The following OMA1 variants were observed in gnomAD, a reference collection of about 807,000 sequenced individuals.
OMA1 encodes the protein metalloendopeptidase OMA1, mitochondrial.
Under a neutral mutation model 30.9 loss-of-function variants are expected in OMA1, and 38 were observed. That is an observed-to-expected ratio of 1.23 (90% CI 0.95 to 1.61). The LOEUF (loss-of-function observed/expected upper bound fraction) is 1.61, where lower values mean the gene tolerates loss of function less well. OMA1 is among the 40% of genes most tolerant of loss of function. The pLI is 0.00. For synonymous variants in OMA1, 173 were observed against 121.9 expected, an observed-to-expected ratio of 1.42 and a Z score of -2.76; for missense variants, 461 against 349.2, an observed-to-expected ratio of 1.32 and a Z score of -2.55.
At chr1:58,533,255 G>T (rs80107109) in intron 5 of OMA1, among the ~76,000 whole-genome samples, 4,083 of 152,246 alleles carry the variant, frequency 0.027, 182 homozygotes, top group African/African-American at 0.092. Context: ...TAAAAACCAG[G>T]TAACTGTAGT....
chr1:58,515,844 G>C (rs147076174), intron 7 of OMA1, among the ~76,000 whole-genome samples: 42 of 152,324 alleles, frequency 2.8e-4, no homozygotes, highest in African/African-American at 1.0e-3. Flanking sequence ...TGTAAAATGA[G>C]AAGGTAGATT....
At chr1:58,526,032 T>G (rs1646344425) in intron 7 of OMA1, among the ~76,000 whole-genome samples, 1 of 152,070 alleles carries the variant, frequency 6.6e-6, no homozygotes, top group Non-Finnish European at 1.5e-5. Context: ...CTTCCTCATA[T>G]TATATATTTT....
intron 7 of OMA1, among the ~76,000 whole-genome samples, chr1:58,513,268 C>T (rs937184752): frequency 2.0e-5 from 3 of 152,164 alleles, no homozygotes; most frequent in Non-Finnish European, 4.4e-5. Context: ...GACATACCTG[C>T]TTCCCCTTCC....
chr1:58,506,359 C>A, intron 7 of OMA1, 150 bp from the exon 8 acceptor site: 1 of 539,634 alleles, frequency 1.9e-6, no homozygotes, highest in East Asian at 3.0e-5. Flanking sequence ...CATACGTATA[C>A]ATGTGCCATG....
At chr1:58,491,856 T>C (rs965984064) in intron 8 of OMA1, among the ~76,000 whole-genome samples, 2 of 152,110 alleles carry the variant, frequency 1.3e-5, no homozygotes, top group Non-Finnish European at 2.9e-5. Context: ...GACAGATCAA[T>C]GAGACAAAAA....
intron 8 of OMA1, among the ~76,000 whole-genome samples, chr1:58,495,184 C>T (rs1011635458): frequency 6.6e-6 from 1 of 152,114 alleles, no homozygotes; most frequent in Non-Finnish European, 1.5e-5. Flanking sequence ...AAACTAAACA[C>T]TGCAGGTTCT....
chr1:58,539,246 A>G lies in OMA1; in HGVS notation c.49T>C (p.Phe17Leu), dbSNP rs760700917. The G allele has an allele frequency of 1.3e-5, 11 of 870,240 alleles. No homozygotes were observed. The highest frequency in any genetic ancestry group is 2.0e-5 in the Non-Finnish European group (10 of 501,110). The allele number at this position is 870,240 out of a possible 1,614,324, so 53.9% of individuals were successfully genotyped here. A position where few individuals can be genotyped will look rare whatever the true frequency, so the allele number is the denominator to read the frequency against. Residue 17 changes from phenylalanine (F) to leucine (L), a missense_variant, in exon 2 of 9, where the codon TTC (phenylalanine) becomes CTC (leucine). By Grantham distance (22) the Phe-to-Leu change is conservative. Coordinates refer to ENST00000371226, the MANE Select transcript of OMA1 (RefSeq NM_145243.5). ...LQSAARNHVF[F>L]RFNSLSNWRK... The stretch of plus-strand genomic sequence containing the variant: ...CAGTTAGACAGTGAATTAAATCGGA[A>G]GAAAACATGGTTTCTAGCAGCAGAC...
intron 7 of OMA1, among the ~76,000 whole-genome samples, chr1:58,519,804 G>A (rs951862792): frequency 6.6e-6 from 1 of 152,000 alleles, no homozygotes; most frequent in African/African-American, 2.4e-5. Context: ...ATGACAAAAT[G>A]GAGAATTTCA....
intron 1 of OMA1, among the ~76,000 whole-genome samples, chr1:58,545,579 A>G (rs1646689398): frequency 6.6e-6 from 1 of 152,214 alleles, no homozygotes; most frequent in Middle Eastern, 3.2e-3. Context: ...TAGCTGGCAG[A>G]CTTCTAGGAT....
At chr1:58,537,818 A>T (rs1395894242) in intron 2 of OMA1, among the ~76,000 whole-genome samples, 1 of 152,250 alleles carries the variant, frequency 6.6e-6, no homozygotes, top group Non-Finnish European at 1.5e-5. Flanking sequence ...ACATGACATT[A>T]TCCTTTATTT....
chr1:58,486,362 A>G (rs1347130163), intron 8 of OMA1, among the ~76,000 whole-genome samples: 1 of 152,174 alleles, frequency 6.6e-6, no homozygotes, highest in Admixed American at 6.6e-5. Flanking sequence ...TCCTAAGACC[A>G]CTGTTATCTT....
In OMA1 at chr1:58,536,632, A is replaced by G. The variant is rs1221996374; in HGVS notation, c.610T>C (p.Leu204=). The part of the protein sequence containing the change: ...KLFLGLSSFG[L]LFVVFYFTHL... ...GTAAAATAAAACACCACAAAGAGCA[A>G]TCCAAAACTACTCAAACCAAGGAAT... The change falls in exon 3 of 9, where the codon TTG becomes CTG. Residue 204 remains leucine, a synonymous_variant. Coordinates refer to ENST00000371226, the MANE Select transcript of OMA1 (RefSeq NM_145243.5). The G allele has an allele frequency of 6.9e-6, 6 of 872,842 alleles. No homozygotes were observed. The highest frequency in any genetic ancestry group is 1.7e-5 in the Admixed American group (1 of 59,186). The allele number at this position is 872,842 out of a possible 1,614,324, so 54.1% of individuals were successfully genotyped here. A position where few individuals can be genotyped will look rare whatever the true frequency, so the allele number is the denominator to read the frequency against.
At chr1:58,491,482 G>A (rs1227173408) in intron 8 of OMA1, among the ~76,000 whole-genome samples, 2 of 152,094 alleles carry the variant, frequency 1.3e-5, no homozygotes, top group African/African-American at 4.8e-5. Context: ...ATTGGATAAA[G>A]AGTCAAGACC....
intron 7 of OMA1, among the ~76,000 whole-genome samples, chr1:58,525,458 T>G (rs895433172): frequency 6.6e-6 from 1 of 152,116 alleles, no homozygotes; most frequent in African/African-American, 2.4e-5. Context: ...GCAATTTACT[T>G]TAAAAATGAC....
At chr1:58,536,803 A>C (rs183117317) in intron 2 of OMA1, 62 bp from the exon 3 acceptor site, 67 of 794,448 alleles carry the variant, frequency 8.4e-5, no homozygotes, top group Middle Eastern at 2.3e-4. Flanking sequence ...ACTAAAGCTC[A>C]AATGCATACA....
chr1:58,538,512 C>A (rs1306870985), intron 2 of OMA1, among the ~76,000 whole-genome samples: 1 of 151,948 alleles, frequency 6.6e-6, no homozygotes, highest in Non-Finnish European at 1.5e-5. Context: ...AATGCCTATA[C>A]AAAATGTAAG....
At chr1:58,540,058 G>A (rs1190894561) in intron 1 of OMA1, among the ~76,000 whole-genome samples, 2 of 152,076 alleles carry the variant, frequency 1.3e-5, no homozygotes, top group East Asian at 3.9e-4. Flanking sequence ...AGATTGCAGG[G>A]AATAATATAC....
At chr1:58,505,600 C>T (rs1241987885) in intron 8 of OMA1, among the ~76,000 whole-genome samples, 4 of 152,054 alleles carry the variant, frequency 2.6e-5, no homozygotes, top group African/African-American at 9.7e-5. Context: ...CAGAAACAAA[C>T]ATGAAGATTT....
At chr1:58,518,649 C>T (rs573837431) in intron 7 of OMA1, among the ~76,000 whole-genome samples, 2 of 150,122 alleles carry the variant, frequency 1.3e-5, no homozygotes, top group South Asian at 2.1e-4. Flanking sequence ...CCCTGGAGGA[C>T]TCCAGGGTTT....
Sources: gnomAD v4.1 joint callset for allele counts (sites outside exome capture counted in the v4.1 genomes callset) on GRCh38, gnomAD v4.1.1 for gene constraint, MANE v1.5 for transcripts, NCBI Gene and HGNC (gene_info 2026-07-23, HGNC 2026-07-21) for gene names.